PHACTR2: variants seen among roughly 807,000 people sequenced by gnomAD.
PHACTR2 encodes chromosome 6 open reading frame 56.
A neutral mutation model predicts 76.0 loss-of-function variants in PHACTR2; 30 were observed. That is an observed-to-expected ratio of 0.39 (90% CI 0.30 to 0.54). The LOEUF (loss-of-function observed/expected upper bound fraction) is 0.54, where lower values mean the gene tolerates loss of function less well. Ranked by LOEUF, PHACTR2 falls within the 20% of genes least tolerant of loss-of-function variation. The pLI, the probability that PHACTR2 is intolerant of heterozygous loss-of-function variation, is 0.61. For missense variants in PHACTR2, 696 were observed against 781.1 expected, an observed-to-expected ratio of 0.89 and a Z score of 1.30; for synonymous variants, 292 against 292.5, an observed-to-expected ratio of 1.00 and a Z score of 0.02.
At chr6:143,612,657 T>C (rs758238994) in intron 1 of PHACTR2, among the ~76,000 whole-genome samples, 1 of 152,184 alleles carries the variant, frequency 6.6e-6, no homozygotes, top group East Asian at 1.9e-4. Flanking sequence ...TTTGCATGTG[T>C]ATTGTTAATA....
At chr6:143,620,658 G>C (rs1234224105) in intron 1 of PHACTR2, among the ~76,000 whole-genome samples, 1 of 152,074 alleles carries the variant, frequency 6.6e-6, no homozygotes, top group African/African-American at 2.4e-5. Flanking sequence ...CATAAAAAAT[G>C]TTGCCCTGAC....
At position 143,807,384 on chromosome 6, in the gene PHACTR2, G is replaced by T. The variant is rs1001397060; in HGVS notation, c.1922+251G>T. Among the ~76,000 whole-genome samples, 1 of 152,198 alleles carries T rather than the reference G, an allele frequency of 6.6e-6. No individual in the cohort carries two copies. Among genetic ancestry groups the T allele is most frequent in the Non-Finnish European group, 1.5e-5 (1 of 68,046 alleles). ...CAGTTTTAAAGATATGACTAGATAA[G>T]ATTGTAAATTTCTAGAATTTCATAA... On this transcript the variant is annotated intron_variant, in intron 12 of 12. Transcript: ENST00000440869. The surrounding 1 kb of genome is among the most constrained non-coding windows in gnomAD (Gnocchi z 5.5).
intron 11 of PHACTR2, among the ~76,000 whole-genome samples, chr6:143,797,878 C>T (rs571617177): frequency 5.3e-5 from 8 of 152,226 alleles, no homozygotes; most frequent in African/African-American, 7.2e-5. Context: ...CTTGGATATG[C>T]GAGCTCTTTT....
At chr6:143,564,484 A>G (rs1249829954) in intron 1 of PHACTR2, among the ~76,000 whole-genome samples, 2 of 151,826 alleles carry the variant, frequency 1.3e-5, no homozygotes, top group Admixed American at 6.6e-5. Flanking sequence ...CATATAAAAC[A>G]TTTGCTAGGA....
intron 5 of PHACTR2, among the ~76,000 whole-genome samples, chr6:143,762,758 G>T (rs542215921): frequency 7.2e-4 from 110 of 152,220 alleles, no homozygotes; most frequent in African/African-American, 2.6e-3. Context: ...AGCTACCTAG[G>T]TATCGGTTTT....
intron 1 of PHACTR2, among the ~76,000 whole-genome samples, chr6:143,542,948 A>G (rs1781185169): frequency 6.6e-6 from 1 of 152,200 alleles, no homozygotes; most frequent in Non-Finnish European, 1.5e-5. Flanking sequence ...TCGTCCATTC[A>G]TTCAATTAGT....
rs1340331931 is a variant in PHACTR2 at position 143,678,713 on chromosome 6, G to A, written c.46+504G>A. Among the ~76,000 whole-genome samples the A allele has an allele frequency of 6.6e-6, 1 of 152,186 alleles. No individual in the cohort carries two copies. Among genetic ancestry groups the A allele is most frequent in the African/African-American group, 2.4e-5 (1 of 41,454 alleles). ...TACTTAATAACTAGCCCCGAAATGC[G>A]TAATTGTTTCAAATGAGACTTGTTT... On this transcript the variant is annotated intron_variant, in intron 1 of 12. Coordinates refer to ENST00000440869, the MANE Select transcript of PHACTR2 (RefSeq NM_001100164.2). This position sits in a 1 kb window ranked among gnomAD's most constrained non-coding sequence, Gnocchi z 6.2.
At chr6:143,724,024 A>G (rs1480493795) in intron 2 of PHACTR2, among the ~76,000 whole-genome samples, 3 of 151,172 alleles carry the variant, frequency 2.0e-5, no homozygotes. Flanking sequence ...GTGCAGTGAC[A>G]TGATCTCAGC....
At position 143,539,772 on chromosome 6, in the gene PHACTR2, T is replaced by G. The variant is rs1781155387; in HGVS notation, c.217+2565T>G. 6.6e-6 allele frequency among the ~76,000 whole-genome samples: 1 copy of G among 152,156 alleles called. No individual in the cohort carries two copies. On this transcript the variant is annotated intron_variant, in intron 1 of 11. Transcript: ENST00000367584. The surrounding 1 kb of genome is among the most constrained non-coding windows in gnomAD (Gnocchi z 4.3). Reference sequence around the variant, plus strand: ...CTAGGCCTGCTTAACTGAATCTGCATTTTAATAAGATCCCCAGGTTGTTCT... The same window carrying G: ...CTAGGCCTGCTTAACTGAATCTGCAGTTTAATAAGATCCCCAGGTTGTTCT...
chr6:143,809,173 C>A lies in PHACTR2; in HGVS notation c.1922+2040C>A, dbSNP rs1023821508. Among the ~76,000 whole-genome samples, 1 of 152,130 alleles carries A rather than the reference C, an allele frequency of 6.6e-6. No individual in the cohort carries two copies. The highest frequency in any genetic ancestry group is 1.5e-5 in the Non-Finnish European group (1 of 68,018). ...TCATTTGATAGCATGATATAAAGAACAAATTACAGTCAAAAGGAATCAAAT... is the reference window on the plus strand; with the variant it reads ...TCATTTGATAGCATGATATAAAGAAAAAATTACAGTCAAAAGGAATCAAAT... On this transcript the variant is annotated intron_variant, in intron 12 of 12. Coordinates refer to ENST00000440869, the MANE Select transcript of PHACTR2 (RefSeq NM_001100164.2). The surrounding 1 kb of genome is among the most constrained non-coding windows in gnomAD (Gnocchi z 4.2).
chr6:143,673,724 C>A (rs569103029), upstream of PHACTR2, among the ~76,000 whole-genome samples: 1 of 151,974 alleles, frequency 6.6e-6, no homozygotes, highest in African/African-American at 2.4e-5. Flanking sequence ...ATTCCAGCAC[C>A]ACCCCTTGAG....
rs1181408186 is a variant in PHACTR2, at chr6:143,765,809, G to C, written c.1232+11G>C. 5 of 1,592,838 alleles carry C rather than the reference G, an allele frequency of 3.1e-6. No homozygotes were observed. Among genetic ancestry groups the C allele is most frequent in the Non-Finnish European group, 4.3e-6 (5 of 1,164,278 alleles). On this transcript the variant is annotated intron_variant, in intron 6 of 12. Coordinates refer to ENST00000440869, the MANE Select transcript of PHACTR2 (RefSeq NM_001100164.2). The surrounding 1 kb of genome is among the most constrained non-coding windows in gnomAD (Gnocchi z 4.1). ...AGAAAATGCAAAATGGTGAGTTGGG[G>C]AACAAACCCCCTATTTTATCTGAGA... is the stretch of plus-strand genomic sequence containing the variant.
In PHACTR2 at chr6:143,753,967, A is replaced by C; in HGVS notation, c.454+55A>C. On this transcript the variant is annotated intron_variant, in intron 4 of 12. Transcript: ENST00000440869. This position sits in a 1 kb window ranked among gnomAD's most constrained non-coding sequence, Gnocchi z 4.6. Reference sequence around the variant, plus strand: ...CTTTAGTATATAGCTCAATGTCTAGAACCAGCACTTAGGCTCCAACTAGTG... The same window carrying C: ...CTTTAGTATATAGCTCAATGTCTAGCACCAGCACTTAGGCTCCAACTAGTG... 1 of 1,269,454 alleles carries C rather than the reference A, an allele frequency of 7.9e-7. No individual in the cohort carries two copies. The highest frequency in any genetic ancestry group is 1.1e-6 in the Non-Finnish European group (1 of 936,394). 78.6% of individuals were successfully genotyped at this position (1,269,454 alleles called of 1,614,324 possible). A position where few individuals can be genotyped will look rare whatever the true frequency, so the allele number is the denominator to read the frequency against.
intron 2 of PHACTR2, among the ~76,000 whole-genome samples, chr6:143,723,282 C>T (rs918991111): frequency 6.6e-6 from 1 of 152,204 alleles, no homozygotes; most frequent in Non-Finnish European, 1.5e-5. Context: ...TCCTGTTTTC[C>T]ACTCAGGACT....
Position 143,793,292 on chromosome 6 carries a change from C to CA in PHACTR2, c.1845+4387dup, listed in dbSNP as rs1270386737. On this transcript the variant is annotated intron_variant, in intron 11 of 12. Transcript: ENST00000440869. This position sits in a 1 kb window ranked among gnomAD's most constrained non-coding sequence, Gnocchi z 4.4. ...TTTTTTTTTTAATTTTATGTTGAAA[C>CA]AAAAATGGGATTTTGTTCTGGACTT... Among the ~76,000 whole-genome samples, 2 of 151,664 alleles carry CA rather than the reference C, an allele frequency of 1.3e-5. No individual in the cohort carries two copies. The highest frequency in any genetic ancestry group is 2.9e-5 in the Non-Finnish European group (2 of 67,940).
rs925656666 is a variant in PHACTR2 at position 143,600,649 on chromosome 6, G to A, written c.217+63442G>A. ...TCTCCTGGAATTTAGAAAGAGGCCT[G>A]TATCTCAATGCCTTTTACAGGCAGT... On this transcript the variant is annotated intron_variant, in intron 1 of 11. Transcript: ENST00000367584. 3.9e-5 allele frequency among the ~76,000 whole-genome samples: 6 copies of A among 152,232 alleles called. No individual in the cohort carries two copies. In the East Asian group the frequency reaches 7.7e-4, roughly 19 times the overall value.
At position 143,710,355 on chromosome 6, in the gene PHACTR2, C is replaced by T. The variant is rs748159284; in HGVS notation, c.47-1661C>T. On this transcript the variant is annotated intron_variant, in intron 1 of 12. Coordinates refer to ENST00000440869, the MANE Select transcript of PHACTR2 (RefSeq NM_001100164.2). The surrounding 1 kb of genome is among the most constrained non-coding windows in gnomAD (Gnocchi z 4.9). Reference sequence around the variant, plus strand: ...TTTTCTTACATTTTTATGTAACACCCGTGGTTGTTTTTTTTAGTTGTATTT... The same window carrying T: ...TTTTCTTACATTTTTATGTAACACCTGTGGTTGTTTTTTTTAGTTGTATTT... Among the ~76,000 whole-genome samples, 1 of 152,102 alleles carries T rather than the reference C, an allele frequency of 6.6e-6. No individual in the cohort carries two copies. Among genetic ancestry groups the T allele is most frequent in the South Asian group, 2.1e-4 (1 of 4,834 alleles).
In PHACTR2 at chr6:143,831,026, T is replaced by A. The variant is rs1409180193; in HGVS notation, c.*7337T>A. The A allele has an allele frequency of 1.3e-5, 2 of 152,260 alleles. No individual in the cohort carries two copies. Among genetic ancestry groups the A allele is most frequent in the African/African-American group, 2.4e-5 (1 of 41,468 alleles). The allele number at this position is 152,260 out of a possible 1,614,324, so 9.4% of individuals were successfully genotyped here. On this transcript the variant is annotated 3_prime_UTR_variant, in exon 13 of 13. Transcript: ENST00000440869. This position sits in a 1 kb window ranked among gnomAD's most constrained non-coding sequence, Gnocchi z 5.2. ...TATTTAAAATGTCTGTCTAAAGAAT[T>A]ACTGCTCTTAAAAGAAACTTCCAGT...
intron 11 of PHACTR2, 37 bp downstream of exon 11, chr6:143,788,947 C>T: frequency 6.3e-7 from 1 of 1,580,070 alleles, no homozygotes; most frequent in Non-Finnish European, 8.7e-7. Flanking sequence ...GATTGTATTG[C>T]TTTTCTGGAA....
Sources: gnomAD v4.1 joint callset for allele counts (sites outside exome capture counted in the v4.1 genomes callset) on GRCh38, gnomAD v4.1.1 for gene constraint, Gnocchi (gnomAD v3.1) non-coding constraint, MANE v1.5 for transcripts, NCBI Gene and HGNC (gene_info 2026-07-23, HGNC 2026-07-21) for gene names.